The following MGAT4C variants were observed in gnomAD, a reference collection of about 807,000 sequenced individuals.
The protein encoded by MGAT4C is alpha-1,3-mannosyl-glycoprotein 4-beta-N-acetylglucosaminyltransferase C.
Under a neutral mutation model 40.1 loss-of-function variants are expected in MGAT4C, and 19 were observed. That is an observed-to-expected ratio of 0.47 (90% CI 0.33 to 0.70). The LOEUF is 0.70. MGAT4C is among the 30% of genes least tolerant of loss of function. MGAT4C has a pLI of 0.02. For synonymous variants in MGAT4C, 181 were observed against 187.1 expected (o/e 0.97, Z 0.27); for missense variants, 491 against 563.2 (o/e 0.87, Z 1.30).
chr12:86,235,759 A>AG (rs1489546972), intron 1 of MGAT4C, among the ~76,000 whole-genome samples: 1 of 152,058 alleles, frequency 6.6e-6, no homozygotes, highest in Non-Finnish European at 1.5e-5. Context: ...CATAATACCT[A>AG]GCTCCTGAGT....
intron 1 of MGAT4C, among the ~76,000 whole-genome samples, chr12:86,789,565 C>A (rs1951988917): frequency 6.6e-6 from 1 of 152,106 alleles, no homozygotes; most frequent in Non-Finnish European, 1.5e-5. Context: ...GAACACTCAA[C>A]TAACTCTAGA....
At chr12:86,175,232 A>G (rs1028646857) in intron 1 of MGAT4C, among the ~76,000 whole-genome samples, 3 of 152,156 alleles carry the variant, frequency 2.0e-5, no homozygotes, top group African/African-American at 7.2e-5. Flanking sequence ...ATATATGCAA[A>G]TAGTACTTGA....
At chr12:86,699,148 A>AGAT (rs1950311860) in intron 2 of MGAT4C, among the ~76,000 whole-genome samples, 2 of 152,178 alleles carry the variant, frequency 1.3e-5, no homozygotes. Flanking sequence ...CAAATGAGGT[A>AGAT]GATAAATAAA....
At chr12:86,588,965 T>G (rs1447017185) in intron 2 of MGAT4C, among the ~76,000 whole-genome samples, 5 of 150,010 alleles carry the variant, frequency 3.3e-5, no homozygotes, top group African/African-American at 4.9e-5. Flanking sequence ...GATCCAAAAT[T>G]GACACCCTAA....
rs3991314 is a variant in MGAT4C, at chr12:86,074,337, TATAGATAGATAGATAG to T, written c.-56-24630_-56-24615del. On this transcript the variant is annotated intron_variant, in intron 1 of 4. Transcript: ENST00000611864. ...CATGTGAGTTAATACTTAATAAACA[TATAGATAGATAGATAG>T]ATAGATAGATAGATAGATAGATATT... 8.9e-3 allele frequency among the ~76,000 whole-genome samples: 1,326 copies of T among 149,136 alleles called. 19 individuals are homozygous for T. The highest frequency in any genetic ancestry group is 0.03 in the African/African-American group (1,237 of 40,576).
chr12:86,138,507 T>TATATATTTCCATATATATATC (rs1882334052), intron 1 of MGAT4C, among the ~76,000 whole-genome samples: 4 of 147,804 alleles, frequency 2.7e-5, no homozygotes, highest in African/African-American at 4.9e-5. Context: ...ATATATCATG[T>TATATATTTCCATATATATATC]ATATATTTCC....
chr12:86,308,101 G>T (rs1175573366), intron 4 of MGAT4C, among the ~76,000 whole-genome samples: 1 of 150,380 alleles, frequency 6.6e-6, no homozygotes, highest in African/African-American at 2.5e-5. Context: ...TTATTTAGAT[G>T]TACAATGTTT....
At chr12:86,293,417 ATTTC>A (rs1236067893) in intron 4 of MGAT4C, among the ~76,000 whole-genome samples, 1 of 152,064 alleles carries the variant, frequency 6.6e-6, no homozygotes, top group African/African-American at 2.4e-5. Flanking sequence ...CTTTTTAGAT[ATTTC>A]TTTCTGTTTT....
intron 2 of MGAT4C, among the ~76,000 whole-genome samples, chr12:86,567,498 G>T (rs916234689): frequency 6.6e-6 from 1 of 152,158 alleles, no homozygotes; most frequent in African/African-American, 2.4e-5. Context: ...ATAAGGAAGA[G>T]TATCAGTGGA....
intron 1 of MGAT4C, among the ~76,000 whole-genome samples, chr12:86,774,620 T>C (rs1427242452): frequency 2.0e-5 from 3 of 152,056 alleles, no homozygotes; most frequent in Non-Finnish European, 2.9e-5. Context: ...TCAGTGCAGT[T>C]TGTATATAAA....
chr12:86,040,010 G>T (rs11117168), intron 2 of MGAT4C, among the ~76,000 whole-genome samples: 6,002 of 152,240 alleles, frequency 0.039, 142 homozygotes, highest in Middle Eastern at 0.068. Context: ...GGAGTTTGCT[G>T]GAAGTCCACT....
At chr12:86,192,983 C>G (rs1181029382) in intron 1 of MGAT4C, among the ~76,000 whole-genome samples, 1 of 151,974 alleles carries the variant, frequency 6.6e-6, no homozygotes, top group East Asian at 1.9e-4. Context: ...TGCAGCTTAT[C>G]TTCTATTACT....
intron 3 of MGAT4C, among the ~76,000 whole-genome samples, chr12:86,384,359 G>T (rs536355201): frequency 1.3e-5 from 2 of 152,042 alleles, no homozygotes; most frequent in African/African-American, 2.4e-5. Flanking sequence ...TAGACATTAG[G>T]GATTTTTGAC....
At chr12:86,708,770 T>A (rs887316884) in intron 2 of MGAT4C, among the ~76,000 whole-genome samples, 1 of 152,180 alleles carries the variant, frequency 6.6e-6, no homozygotes, top group East Asian at 1.9e-4. Context: ...ATTTTGGACT[T>A]TCATGGGGCC....
intron 1 of MGAT4C, among the ~76,000 whole-genome samples, chr12:86,218,448 CT>C (rs1474391537): frequency 6.6e-6 from 1 of 152,092 alleles, no homozygotes; most frequent in Non-Finnish European, 1.5e-5. Flanking sequence ...GCTCTCTCTC[CT>C]TAGATAAAGA....
At chr12:86,028,143 A>C (rs1280152835) in intron 2 of MGAT4C, 2 of 1,288,498 alleles carry the variant, frequency 1.6e-6, no homozygotes, top group Admixed American at 2.3e-5. Context: ...TCCTCTGCAC[A>C]GTCTTTCTTA....
intron 1 of MGAT4C, among the ~76,000 whole-genome samples, chr12:86,095,341 A>G (rs1045503484): frequency 6.6e-6 from 1 of 151,914 alleles, no homozygotes; most frequent in Non-Finnish European, 1.5e-5. Context: ...TAATTAAAAT[A>G]TTTTTGTCTG....
At chr12:86,221,921 A>T (rs1221786932) in intron 1 of MGAT4C, among the ~76,000 whole-genome samples, 1 of 152,272 alleles carries the variant, frequency 6.6e-6, no homozygotes, top group Non-Finnish European at 1.5e-5. Context: ...CACTATATAC[A>T]TGCACATATA....
At chr12:86,514,520 C>T (rs1232254907) in intron 2 of MGAT4C, among the ~76,000 whole-genome samples, 1 of 152,138 alleles carries the variant, frequency 6.6e-6, no homozygotes, top group African/African-American at 2.4e-5. Flanking sequence ...AGGCCCCCTG[C>T]ATTACTTCAC....
Sources: allele counts gnomAD v4.1 joint callset (sites outside exome capture counted in the v4.1 genomes callset), GRCh38; gene constraint gnomAD v4.1.1; transcripts MANE v1.5; gene names NCBI Gene and HGNC (gene_info 2026-07-23, HGNC 2026-07-21).